Variants in SAMD12 observed in about 807,000 individuals in gnomAD.
SAMD12 encodes the protein sterile alpha motif domain containing 12, also known as sterile alpha motif domain-containing protein 12.
In SAMD12, 9 loss-of-function variants were observed where a neutral mutation model predicts 15.0. That is an observed-to-expected ratio of 0.60 (90% confidence interval 0.36 to 1.05). The LOEUF (loss-of-function observed/expected upper bound fraction) is 1.05. SAMD12 is among the 50% of genes least tolerant of loss of function. The probability of loss-of-function intolerance (pLI) is 0.01; values close to 1 mark genes in which losing one functional copy is unlikely to be tolerated. For synonymous variants in SAMD12, 86 were observed against 90.1 expected (o/e 0.96, Z 0.25); for missense variants, 230 against 234.2 (o/e 0.98, Z 0.12).
chr8:118,559,855 A>G (rs959147073), intron 2 of SAMD12, among the ~76,000 whole-genome samples: 2 of 152,230 alleles, frequency 1.3e-5, no homozygotes, highest in African/African-American at 4.8e-5. Flanking sequence ...GAAATTGATT[A>G]TGTGCTCTTT....
intron 4 of SAMD12, among the ~76,000 whole-genome samples, chr8:118,338,386 A>G (rs1817185531): frequency 6.6e-6 from 1 of 152,236 alleles, no homozygotes; most frequent in South Asian, 2.1e-4. Context: ...TTTAATTTTA[A>G]TAATATTTGA....
chr8:118,474,546 A>ATT (rs113662358), intron 2 of SAMD12, among the ~76,000 whole-genome samples: 81 of 134,860 alleles, frequency 6.0e-4, no homozygotes, highest in African/African-American at 2.2e-3. Flanking sequence ...ATGCCCAGCT[A>ATT]TTTTTTTTTT....
intron 2 of SAMD12, among the ~76,000 whole-genome samples, chr8:118,550,000 C>G (rs1313214351): frequency 6.6e-6 from 1 of 152,116 alleles, no homozygotes; most frequent in East Asian, 1.9e-4. Context: ...AAGAAATGAA[C>G]AAAACCTCCA....
intron 2 of SAMD12, among the ~76,000 whole-genome samples, chr8:118,571,282 A>C (rs1452546364): frequency 6.6e-6 from 1 of 152,066 alleles, no homozygotes; most frequent in African/African-American, 2.4e-5. Flanking sequence ...AAAGTTTGCA[A>C]CTCCCTAGAG....
intron 2 of SAMD12, among the ~76,000 whole-genome samples, chr8:118,532,170 C>G (rs1825707670): frequency 6.6e-6 from 1 of 152,074 alleles, no homozygotes; most frequent in East Asian, 1.9e-4. Context: ...TTGTCAAAGG[C>G]CTTTTCTGCA....
At chr8:118,604,289 A>AT in intron 1 of SAMD12, among the ~76,000 whole-genome samples, 1 of 152,224 alleles carries the variant, frequency 6.6e-6, no homozygotes, top group East Asian at 1.9e-4. Context: ...ATATTTATCT[A>AT]TATTTGTATA....
chr8:118,488,111 G>A (rs1223360753), intron 2 of SAMD12, among the ~76,000 whole-genome samples: 3 of 151,900 alleles, frequency 2.0e-5, no homozygotes, highest in South Asian at 2.1e-4. Flanking sequence ...ACTATCAAAT[G>A]TGGGTTTATA....
At chr8:118,232,632 C>A (rs796681557) in intron 4 of SAMD12, among the ~76,000 whole-genome samples, 11 of 91,062 alleles carry the variant, frequency 1.2e-4, no homozygotes, top group African/African-American at 6.5e-4. Flanking sequence ...TGCATAGCTC[C>A]TTTCTTTCCT....
intron 2 of SAMD12, among the ~76,000 whole-genome samples, chr8:118,515,307 T>TCC (rs1226775277): frequency 3.3e-5 from 5 of 150,500 alleles, no homozygotes; most frequent in Non-Finnish European, 7.4e-5. Flanking sequence ...TTTAAAAGTT[T>TCC]TTAGCACCTC....
At chr8:118,525,169 T>C (rs1339575497) in intron 2 of SAMD12, among the ~76,000 whole-genome samples, 1 of 152,192 alleles carries the variant, frequency 6.6e-6, no homozygotes. Flanking sequence ...ACATCAAGCA[T>C]GCTCTGCCTC....
In SAMD12 at chr8:118,355,350, C is replaced by T. The variant is rs192122331; in HGVS notation, c.433+24210G>A. Among the ~76,000 whole-genome samples the T allele has an allele frequency of 2.5e-3, 376 of 152,232 alleles. 1 individual carries two copies. The highest frequency in any genetic ancestry group is 6.8e-3 in the Middle Eastern group (2 of 294). On this transcript the variant is annotated intron_variant, in intron 4 of 4. Coordinates refer to the SAMD12 transcript ENST00000409003. ...GAGCTAAGCTATGAGGATGCAAATG[C>T]ATAAGAATGACACAATAGACTTTGG...
chr8:118,454,287 C>T (rs564333798), intron 2 of SAMD12, among the ~76,000 whole-genome samples: 1 of 152,316 alleles, frequency 6.6e-6, no homozygotes, highest in African/African-American at 2.4e-5. Context: ...AGTTTTCTTC[C>T]TTCAAATGTT....
intron 4 of SAMD12, among the ~76,000 whole-genome samples, chr8:118,314,958 C>G (rs545974960): frequency 2.5e-4 from 38 of 152,142 alleles, no homozygotes; most frequent in Non-Finnish European, 4.1e-4. Flanking sequence ...AGAAAAGAAA[C>G]TTCTTAAAAA....
intron 4 of SAMD12, among the ~76,000 whole-genome samples, chr8:118,335,871 G>C (rs1817031142): frequency 6.6e-6 from 1 of 152,006 alleles, no homozygotes; most frequent in South Asian, 2.1e-4. Flanking sequence ...CTAGTAGCTG[G>C]GACAACAGGT....
At chr8:118,162,461 T>C in the SAMD12 span, among the ~76,000 whole-genome samples, 1 of 151,620 alleles carries the variant, frequency 6.6e-6, no homozygotes, top group African/African-American at 2.4e-5. Context: ...GACTGATGAA[T>C]GTGGTGTTTT....
chr8:118,443,179 T>G (rs992585571), intron 2 of SAMD12, among the ~76,000 whole-genome samples: 3 of 152,174 alleles, frequency 2.0e-5, no homozygotes, highest in African/African-American at 7.2e-5. Context: ...TAAGACTGTA[T>G]GAGGCTGGGC....
intron 3 of SAMD12, among the ~76,000 whole-genome samples, chr8:118,417,091 TTTTTTGG>T (rs1360821887): frequency 6.6e-6 from 1 of 151,774 alleles, no homozygotes; most frequent in Non-Finnish European, 1.5e-5. Context: ...TTGTTTTTTG[TTTTTTGG>T]TTTTTTTTTT....
chr8:118,199,346 G>T (rs1283309430), intron 4 of SAMD12, among the ~76,000 whole-genome samples: 1 of 152,160 alleles, frequency 6.6e-6, no homozygotes. Flanking sequence ...TTTGAAAGGG[G>T]TATAAACACC....
chr8:118,577,554 C>T (rs990107210), intron 2 of SAMD12, among the ~76,000 whole-genome samples: 3 of 151,928 alleles, frequency 2.0e-5, no homozygotes, highest in Non-Finnish European at 4.4e-5. Flanking sequence ...AGTGGCAGGG[C>T]CCAAAGGCAC....
Sources: gnomAD v4.1 joint callset for allele counts (sites outside exome capture counted in the v4.1 genomes callset) on GRCh38, gnomAD v4.1.1 for gene constraint, MANE v1.5 for transcripts, NCBI Gene and HGNC (gene_info 2026-07-23, HGNC 2026-07-21) for gene names.